Variants in COG5 observed in about 807,000 individuals in gnomAD.
COG5 encodes conserved oligomeric Golgi complex subunit 5.
COG5 carries 86 observed loss-of-function variants against 110.4 expected under a neutral mutation model. The observed-to-expected ratio is 0.78, with a 90% CI of 0.65 to 0.93. The LOEUF (loss-of-function observed/expected upper bound fraction) is 0.93. Among genes scored for constraint, COG5 ranks in the 40% least tolerant of loss-of-function variants. The pLI is 0.00. For missense variants in COG5, 1,077 were observed against 987.0 expected, an observed-to-expected ratio of 1.09 and a Z score of -1.22; for synonymous variants, 360 against 334.6, an observed-to-expected ratio of 1.08 and a Z score of -0.83.
intron 19 of COG5, among the ~76,000 whole-genome samples, chr7:107,213,227 T>C (rs1192632053): frequency 1.3e-5 from 2 of 152,100 alleles, no homozygotes; most frequent in East Asian, 1.9e-4. Flanking sequence ...CCTAGAAAAC[T>C]AGCCTCTATG....
intron 14 of COG5, among the ~76,000 whole-genome samples, chr7:107,258,997 A>G (rs1803106061): frequency 6.6e-6 from 1 of 152,174 alleles, no homozygotes. Flanking sequence ...GCCCAAAATT[A>G]TACTGTGTAT....
At chr7:107,406,357 TA>T (rs1424808273) in intron 7 of COG5, among the ~76,000 whole-genome samples, 5 of 152,202 alleles carry the variant, frequency 3.3e-5, no homozygotes, top group African/African-American at 9.6e-5. Flanking sequence ...TTATTAGAAA[TA>T]GGCCACTGGT....
intron 1 of COG5, chr7:107,563,597 C>T (rs1160357940): frequency 1.6e-6 from 1 of 643,540 alleles, no homozygotes; most frequent in East Asian, 2.8e-5. Flanking sequence ...CCAAGTGTCC[C>T]CAAGACTCCA....
At position 107,534,965 on chromosome 7, in the gene COG5, C is replaced by A. The variant is rs112260332; in HGVS notation, c.418-7608G>T. Reference sequence around the variant, plus strand: ...GTAAAAGAATGGAAATCATAACCAACAGTCTCTCAGACCACAGTGCAACCA... The same window carrying A: ...GTAAAAGAATGGAAATCATAACCAAAAGTCTCTCAGACCACAGTGCAACCA... On this transcript the variant is annotated intron_variant, in intron 5 of 21. Transcript: ENST00000297135. 6.6e-5 allele frequency among the ~76,000 whole-genome samples: 10 copies of A among 151,754 alleles called. 3 individuals are homozygous for A. Among genetic ancestry groups the A allele is most frequent in the African/African-American group, 2.4e-4 (10 of 41,044 alleles).
intron 11 of COG5, among the ~76,000 whole-genome samples, chr7:107,324,031 T>C (rs185157035): frequency 8.6e-4 from 131 of 152,314 alleles, no homozygotes; most frequent in Non-Finnish European, 2.4e-4. Context: ...TCATTAAATC[T>C]TCATTTTTAA....
intron 6 of COG5, among the ~76,000 whole-genome samples, chr7:107,428,960 A>G (rs1793831371): frequency 6.6e-6 from 1 of 152,234 alleles, no homozygotes; most frequent in Non-Finnish European, 1.5e-5. Context: ...AACAAAAACT[A>G]TATTGGCTTG....
chr7:107,270,516 C>T (rs998866686), intron 14 of COG5, among the ~76,000 whole-genome samples: 28 of 152,118 alleles, frequency 1.8e-4, no homozygotes, highest in Non-Finnish European at 1.6e-4. Flanking sequence ...CTGCCTTGGC[C>T]TCTCACAGTG....
intron 19 of COG5, among the ~76,000 whole-genome samples, chr7:107,218,412 T>C (rs1204797278): frequency 6.6e-6 from 1 of 151,816 alleles, no homozygotes; most frequent in Non-Finnish European, 1.5e-5. Context: ...TAAGTAAAAA[T>C]AACAAAGCTG....
At chr7:107,313,847 A>T (rs1466204963) in intron 11 of COG5, among the ~76,000 whole-genome samples, 1 of 152,132 alleles carries the variant, frequency 6.6e-6, no homozygotes, top group African/African-American at 2.4e-5. Context: ...AAGGTAACAT[A>T]ATCACAGATT....
intron 3 of COG5, among the ~76,000 whole-genome samples, chr7:107,550,920 C>T (rs1003091363): frequency 6.6e-6 from 1 of 151,754 alleles, no homozygotes; most frequent in Non-Finnish European, 1.5e-5. Context: ...CCTCCAGGAC[C>T]AGAACATAGT....
intron 12 of COG5, among the ~76,000 whole-genome samples, chr7:107,289,180 A>G (rs1341928145): frequency 6.6e-6 from 1 of 151,296 alleles, no homozygotes; most frequent in Non-Finnish European, 1.5e-5. Flanking sequence ...ATCCATTTTG[A>G]GTTAATTTTT....
intron 13 of COG5, among the ~76,000 whole-genome samples, chr7:107,283,309 A>C (rs2084463733): frequency 6.6e-6 from 1 of 152,166 alleles, no homozygotes; most frequent in South Asian, 2.1e-4. Flanking sequence ...ACAAAGAGCT[A>C]GGTTTACTTT....
rs371794326 is a variant in COG5 at position 107,535,394 on chromosome 7, G to A, written c.418-8037C>T. On this transcript the variant is annotated intron_variant, in intron 5 of 21. Transcript: ENST00000297135. ...AATCCAGGAGCTAGTTTTTTGAAAA[G>A]ACTAACAAAATAAACCACTAGCCAG... Among the ~76,000 whole-genome samples, 9 of 151,578 alleles carry A rather than the reference G, an allele frequency of 5.9e-5. No individual in the cohort carries two copies. In the South Asian group the frequency reaches 1.2e-3, roughly 21 times the overall value.
At chr7:107,323,682 G>C (rs571846477) in intron 11 of COG5, among the ~76,000 whole-genome samples, 2 of 152,316 alleles carry the variant, frequency 1.3e-5, no homozygotes, top group African/African-American at 4.8e-5. Flanking sequence ...GAAATAAGTA[G>C]AGAGACAAGC....
intron 6 of COG5, chr7:107,472,925 T>C (rs1796724986): frequency 6.6e-6 from 1 of 151,922 alleles, no homozygotes; most frequent in Non-Finnish European, 1.5e-5. Context: ...TTAACTGACA[T>C]TTTAGCCCAG....
intron 14 of COG5, among the ~76,000 whole-genome samples, chr7:107,276,608 A>T (rs1804720208): frequency 6.6e-6 from 1 of 152,190 alleles, no homozygotes; most frequent in African/African-American, 2.4e-5. Context: ...AGCCATGATC[A>T]TGCCACTGTA....
chr7:107,260,950 T>C (rs1803289517), intron 14 of COG5, among the ~76,000 whole-genome samples: 1 of 150,154 alleles, frequency 6.7e-6, no homozygotes. Context: ...AGTTTTTTTG[T>C]TTGTTTGTTT....
intron 5 of COG5, among the ~76,000 whole-genome samples, chr7:107,534,922 A>G (rs1801470884): frequency 6.6e-6 from 1 of 151,754 alleles, no homozygotes; most frequent in Middle Eastern, 3.4e-3. Context: ...ATTGGAAGTA[A>G]AACACCCCTC....
rs377436731 is a variant in COG5 at position 107,413,439 on chromosome 7, G to C, written c.539-807C>G. ...AGATTTGCAGTACAAAGGGCTCTAA[G>C]AGCTGGGAGGGAGAAAGGTCTATAT... On this transcript the variant is annotated intron_variant, in intron 6 of 21. Transcript: ENST00000297135. Among the ~76,000 whole-genome samples the C allele has an allele frequency of 2.6e-5, 4 of 151,696 alleles. No homozygotes were observed. The East Asian group carries it at 7.7e-4, about 29-fold the overall frequency.
Sources: allele counts gnomAD v4.1 joint callset (sites outside exome capture counted in the v4.1 genomes callset), GRCh38; gene constraint gnomAD v4.1.1; transcripts MANE v1.5; gene names NCBI Gene and HGNC (gene_info 2026-07-23, HGNC 2026-07-21).